Variants in SMG6 observed in about 807,000 individuals in gnomAD.
SMG6 encodes the protein telomerase-binding protein EST1A.
A neutral mutation model predicts 142.2 loss-of-function variants in SMG6; 66 were observed. The observed-to-expected ratio is 0.46, with a 90% confidence interval of 0.38 to 0.57. SMG6 has a LOEUF of 0.57. Ranked by LOEUF, SMG6 falls within the 20% of genes least tolerant of loss-of-function variation. SMG6 has a pLI of 0.00. For synonymous variants in SMG6, 779 were observed against 702.4 expected (o/e 1.11, Z -1.72); for missense variants, 1,793 against 1,832.0 (o/e 0.98, Z 0.39).
chr17:2,114,701 G>C (rs1208586852), intron 13 of SMG6, among the ~76,000 whole-genome samples: 1 of 151,904 alleles, frequency 6.6e-6, no homozygotes, highest in Non-Finnish European at 1.5e-5. Context: ...GGCCAAGGCG[G>C]GTGGATCACC....
At position 2,065,554 on chromosome 17, in the gene SMG6, G is replaced by T; in HGVS notation, c.3961C>A (p.Arg1321=). The change falls in exon 17 of 19, where the codon CGG becomes AGG. Residue 1321 remains arginine, a synonymous_variant. Transcript: ENST00000263073. ...GTCAGGGCTCGCAGGCAAGAGTCCC[G>T]ACTCTCGAATCGCTGCTCGAGGAAC... ...IEFLEQRFES[R]DSCLRALTSR... 6.2e-7 allele frequency: 1 copy of T among 1,614,038 alleles called. No individual in the cohort carries two copies. Among genetic ancestry groups the T allele is most frequent in the South Asian group, 1.1e-5 (1 of 91,072 alleles).
intron 13 of SMG6, among the ~76,000 whole-genome samples, chr17:2,089,184 C>G (rs900884498): frequency 6.6e-6 from 1 of 152,206 alleles, no homozygotes; most frequent in Non-Finnish European, 1.5e-5. Context: ...TTTTTCCACT[C>G]TATATCAATG....
intron 13 of SMG6, among the ~76,000 whole-genome samples, chr17:2,153,456 A>C (rs1476932398): frequency 6.6e-6 from 1 of 152,248 alleles, no homozygotes; most frequent in Admixed American, 6.5e-5. Context: ...ACATGAAAGT[A>C]TGTGTTTCTC....
chr17:2,236,701 T>TCA lies in SMG6; in HGVS notation c.2724-66_2724-65dup, dbSNP rs71150853. The TCA allele has an allele frequency of 3.0e-3, 2,828 of 958,380 alleles. 6 individuals are homozygous for TCA. The highest frequency in any genetic ancestry group is 7.1e-3 in the African/African-American group (391 of 54,794). 59.4% of individuals were successfully genotyped at this position (958,380 alleles called of 1,614,324 possible). A position where few individuals can be genotyped will look rare whatever the true frequency, so the allele number is the denominator to read the frequency against. ...CTTTCAGTCTCTCTCTCACTCTGTC[T>TCA]CACACACACACACACACACACACAC... is the stretch of plus-strand genomic sequence containing the variant. On this transcript the variant is annotated intron_variant, in intron 9 of 18. Transcript: ENST00000263073.
rs975525515 is a variant in SMG6 at position 2,303,094 on chromosome 17, G to A, written c.88+539C>T. The A allele has an allele frequency of 3.0e-6, 3 of 985,344 alleles. No individual in the cohort carries two copies. In the African/African-American group the frequency reaches 5.2e-5, roughly 17 times the overall value. 61.0% of individuals were successfully genotyped at this position (985,344 alleles called of 1,614,324 possible). A position where few individuals can be genotyped will look rare whatever the true frequency, so the allele number is the denominator to read the frequency against. Reference sequence around the variant, plus strand: ...ATAAAAACTGCTCCCACACATGCCAGGGCCAAACCCGAGTAGTCTGAGGTC... The same window carrying A: ...ATAAAAACTGCTCCCACACATGCCAAGGCCAAACCCGAGTAGTCTGAGGTC... On this transcript the variant is annotated intron_variant, in intron 1 of 18. Coordinates refer to ENST00000263073, the MANE Select transcript of SMG6 (RefSeq NM_017575.5).
chr17:2,245,052 G>A, intron 8 of SMG6: 1 of 270,098 alleles, frequency 3.7e-6, no homozygotes. Flanking sequence ...AGCCACTCCG[G>A]CTCCATAATC....
intron 13 of SMG6, among the ~76,000 whole-genome samples, chr17:2,106,045 G>C (rs942112085): frequency 6.6e-6 from 1 of 152,188 alleles, no homozygotes; most frequent in African/African-American, 2.4e-5. Flanking sequence ...AACAGGGTGT[G>C]TTACTTATCT....
intron 8 of SMG6, among the ~76,000 whole-genome samples, chr17:2,259,610 C>G (rs2151330611): frequency 6.8e-6 from 1 of 146,016 alleles, no homozygotes; most frequent in East Asian, 2.1e-4. Context: ...GAGGTTGAGG[C>G]TGCAGTGAGC....
chr17:2,119,365 T>C (rs2069611314), intron 13 of SMG6, among the ~76,000 whole-genome samples: 1 of 151,610 alleles, frequency 6.6e-6, no homozygotes, highest in Admixed American at 6.6e-5. Flanking sequence ...CCATAATTTT[T>C]GTATTTTTAA....
In SMG6 at chr17:2,297,868, C is replaced by A. The variant is rs754499712; in HGVS notation, c.2035G>T (p.Asp679Tyr). 3 of 1,609,690 alleles carry A rather than the reference C, an allele frequency of 1.9e-6. No individual in the cohort carries two copies. The highest frequency in any genetic ancestry group is 2.2e-5 in the East Asian group (1 of 44,870). ...QIRNRLLELL[D>Y]EGSDFFDSLL... ...ACAAAAAGATGACAGTTTACCTCATCCAAGAGCTCCAAAAGTCTGTTCCGA... is the reference window on the plus strand; with the variant it reads ...ACAAAAAGATGACAGTTTACCTCATACAAGAGCTCCAAAAGTCTGTTCCGA... Residue 679 changes from aspartate to tyrosine, a missense_variant, in exon 3 of 19, where the codon GAT (aspartate) becomes TAT (tyrosine). Physicochemically the swap from Asp to Tyr is radical, Grantham distance 160. This residue lies in a region of SMG6 where 1,597 missense variants were observed against 1,584.6 expected (regional missense o/e 1.01). Transcript: ENST00000263073.
intron 6 of SMG6, among the ~76,000 whole-genome samples, chr17:2,288,501 G>T (rs949987774): frequency 6.6e-6 from 1 of 151,280 alleles, no homozygotes; most frequent in Non-Finnish European, 1.5e-5. Flanking sequence ...ATGCGCCTGT[G>T]GTCCCAGCTA....
intron 13 of SMG6, among the ~76,000 whole-genome samples, chr17:2,120,749 T>G (rs1412109651): frequency 6.6e-6 from 1 of 152,090 alleles, no homozygotes; most frequent in African/African-American, 2.4e-5. Flanking sequence ...ACAACTTCAT[T>G]AGTCATCAGG....
At chr17:2,092,353 G>A (rs1027580372) in intron 13 of SMG6, among the ~76,000 whole-genome samples, 9 of 152,118 alleles carry the variant, frequency 5.9e-5, no homozygotes, top group African/African-American at 2.2e-4. Context: ...TAACATCATT[G>A]GTCCACCCAC....
Position 2,255,403 on chromosome 17 carries a change from C to CAAAAAAAAA in SMG6, c.2662-10693_2662-10685dup, listed in dbSNP as rs60136702. ...TGGGCGACAGAGCGAGACTCCGTCT[C>CAAAAAAAAA]AAAAAAAAAAAAAAAAAAAAAAAAA... On this transcript the variant is annotated intron_variant, in intron 8 of 18. Transcript: ENST00000263073. Among the ~76,000 whole-genome samples the CAAAAAAAAA allele has an allele frequency of 2.6e-4, 19 of 73,572 alleles. 1 individual carries two copies. Among genetic ancestry groups the CAAAAAAAAA allele is most frequent in the East Asian group, 6.2e-4 (1 of 1,606 alleles). 48.3% of individuals were successfully genotyped at this position (73,572 alleles called of 152,430 possible). A position where few individuals can be genotyped will look rare whatever the true frequency, so the allele number is the denominator to read the frequency against.
intron 9 of SMG6, among the ~76,000 whole-genome samples, chr17:2,239,773 ATC>A (rs911244486): frequency 1.2e-4 from 19 of 152,370 alleles, no homozygotes; most frequent in African/African-American, 3.8e-4. Flanking sequence ...ATTTAAGAAC[ATC>A]TGTTAATTTA....
In SMG6 at chr17:2,299,571, G is replaced by A. The variant is rs765755626; in HGVS notation, c.1182C>T (p.Ser394=). ...CCCGAAGTTCTTGTTTCGGGTTTTT[G>A]GACTCCTGCTTCTCAGAGCCTTTGC... ...SGGKGSEKQE[S]KNPKQELRGR... is the part of the protein sequence containing the mutation. The change falls in exon 2 of 19, where the codon TCC becomes TCT. Residue 394 remains serine, a synonymous_variant. Transcript: ENST00000263073. The surrounding 1 kb of genome is among the most constrained non-coding windows in gnomAD (Gnocchi z 4.3). The A allele has an allele frequency of 7.4e-6, 12 of 1,614,018 alleles. No individual in the cohort carries two copies. Among genetic ancestry groups the A allele is most frequent in the Non-Finnish European group, 1.7e-6 (2 of 1,180,052 alleles).
At chr17:2,129,462 T>A (rs2070026321) in intron 13 of SMG6, among the ~76,000 whole-genome samples, 1 of 152,086 alleles carries the variant, frequency 6.6e-6, no homozygotes, top group Admixed American at 6.6e-5. Context: ...AATCTAGGAA[T>A]AGAAGCGAAT....
intron 13 of SMG6, among the ~76,000 whole-genome samples, chr17:2,131,404 T>C (rs562576707): frequency 3.3e-5 from 5 of 152,150 alleles, no homozygotes; most frequent in African/African-American, 1.2e-4. Context: ...CAAGCGATTC[T>C]CCTGCCTCAG....
intron 9 of SMG6, 182 bp from the exon 10 acceptor site, chr17:2,236,819 G>A (rs112083803): frequency 0.016 from 20,644 of 1,296,592 alleles, 207 homozygotes; most frequent in Non-Finnish European, 0.018. Flanking sequence ...CTGCAATTTT[G>A]AACAAATTCA....
Sources: allele counts gnomAD v4.1 joint callset (sites outside exome capture counted in the v4.1 genomes callset), GRCh38; gene constraint gnomAD v4.1.1; regional missense constraint gnomAD v4.1.1; non-coding constraint Gnocchi (gnomAD v3.1); transcripts MANE v1.5; gene names NCBI Gene and HGNC (gene_info 2026-07-23, HGNC 2026-07-21).